The following CUX2 variants were observed in gnomAD, a reference collection of about 807,000 sequenced individuals.
CUX2 encodes the protein homeobox protein cut-like 2.
A neutral mutation model predicts 144.8 loss-of-function variants in CUX2; 40 were observed. That is an observed-to-expected ratio of 0.28 (90% CI 0.21 to 0.36). The LOEUF is 0.36. Ranked by LOEUF, CUX2 falls within the 10% of genes least tolerant of loss-of-function variation. The pLI is 1.00. For missense variants in CUX2, 1,615 were observed against 1,994.0 expected, an observed-to-expected ratio of 0.81 and a Z score of 3.62; for synonymous variants, 827 against 875.6, an observed-to-expected ratio of 0.94 and a Z score of 0.98.
At chr12:111,158,206 A>T (rs575397483) in intron 1 of CUX2, among the ~76,000 whole-genome samples, 1 of 152,286 alleles carries the variant, frequency 6.6e-6, no homozygotes, top group South Asian at 2.1e-4. Flanking sequence ...CACCTCACAA[A>T]CAGGAAGGAC....
intron 1 of CUX2, among the ~76,000 whole-genome samples, chr12:111,161,257 C>T (rs1467587168): frequency 6.6e-6 from 1 of 152,162 alleles, no homozygotes; most frequent in African/African-American, 2.4e-5. Context: ...GGGATGCACC[C>T]TCTGGGGACT....
At chr12:111,214,743 C>G (rs148268209) in intron 2 of CUX2, among the ~76,000 whole-genome samples, 137 of 152,292 alleles carry the variant, frequency 9.0e-4, no homozygotes, top group East Asian at 1.7e-3. Flanking sequence ...CCTCTCACCC[C>G]CTTTACGTTC....
chr12:111,323,135 C>T (rs569690021), intron 18 of CUX2, among the ~76,000 whole-genome samples: 31 of 152,292 alleles, frequency 2.0e-4, no homozygotes, highest in Non-Finnish European at 3.8e-4. Flanking sequence ...TGGGGACCAG[C>T]GGATAAGTCT....
In CUX2 at chr12:111,227,630, C is replaced by T. The variant is rs147041464; in HGVS notation, c.222+9693C>T. 4.5e-4 allele frequency among the ~76,000 whole-genome samples: 69 copies of T among 152,248 alleles called. No homozygotes were observed. The South Asian group carries it at 8.7e-3, about 19-fold the overall frequency. On this transcript the variant is annotated intron_variant, in intron 3 of 21. Transcript: ENST00000261726. ...GGGGCAGCCTTGTGTCCCCCTCCTG[C>T]GCACTCTGGCTTTCTCCTATATTTT... is the stretch of plus-strand genomic sequence containing the variant.
chr12:111,320,615 C>G lies in CUX2; in HGVS notation c.2606C>G (p.Pro869Arg). 6.3e-7 allele frequency: 1 copy of G among 1,576,940 alleles called. No individual in the cohort carries two copies. Residue 869 changes from proline to arginine, a missense_variant, in exon 17 of 22, where the codon CCG (proline) becomes CGG (arginine). Physicochemically the swap from Pro to Arg is moderately radical, Grantham distance 103. Around this residue, in one of 12 missense-constraint regions of CUX2, gnomAD observed 390 missense variants for 387.1 expected, o/e 1.01. Transcript: ENST00000261726. This position sits in a 1 kb window ranked among gnomAD's most constrained non-coding sequence, Gnocchi z 8.1. The stretch of plus-strand genomic sequence containing the variant: ...GCGGGCGCGCGGCTGCCCTACTACC[C>G]GGCCTACGTGCCGCGCACCCTGAAG... ...AEAGARLPYY[P>R]AYVPRTLKPT...
At chr12:111,232,663 G>A (rs966136636) in intron 3 of CUX2, among the ~76,000 whole-genome samples, 1 of 152,180 alleles carries the variant, frequency 6.6e-6, no homozygotes, top group African/African-American at 2.4e-5. Context: ...TACGGCTGTT[G>A]ATAGCTCAGA....
chr12:111,230,489 G>A (rs1882414628), intron 3 of CUX2, among the ~76,000 whole-genome samples: 1 of 152,168 alleles, frequency 6.6e-6, no homozygotes, highest in African/African-American at 2.4e-5. Context: ...AAGGTCCCCT[G>A]GTGATTATGG....
intron 18 of CUX2, among the ~76,000 whole-genome samples, chr12:111,334,041 G>T (rs1246647930): frequency 6.6e-6 from 1 of 151,518 alleles, no homozygotes; most frequent in Non-Finnish European, 1.5e-5. Context: ...CAAAAAATTA[G>T]CAGGGCGTAG....
Position 111,145,428 on chromosome 12 carries a change from G to A in CUX2, c.64-68772G>A, listed in dbSNP as rs113630849. Among the ~76,000 whole-genome samples, 750 of 152,312 alleles carry A rather than the reference G, an allele frequency of 4.9e-3. 4 individuals carry two copies. The highest frequency in any genetic ancestry group is 0.017 in the African/African-American group (702 of 41,564). The stretch of plus-strand genomic sequence containing the variant: ...CCAGGCCAATGATTGGAGTACAGTG[G>A]CATGATCATAGCTCACTGTAGCCTC... On this transcript the variant is annotated intron_variant, in intron 1 of 21. Transcript: ENST00000261726.
At chr12:111,209,173 C>T (rs2136218910) in intron 1 of CUX2, among the ~76,000 whole-genome samples, 1 of 152,244 alleles carries the variant, frequency 6.6e-6, no homozygotes, top group East Asian at 1.9e-4. Flanking sequence ...ATTCACTAAG[C>T]TTTCACTTGA....
intron 1 of CUX2, among the ~76,000 whole-genome samples, chr12:111,047,405 A>T (rs1287052675): frequency 6.6e-6 from 1 of 152,024 alleles, no homozygotes; most frequent in African/African-American, 2.4e-5. Flanking sequence ...TACCAGCCAC[A>T]CTCTACAGTT....
chr12:111,101,957 T>C (rs1007145142), intron 1 of CUX2, among the ~76,000 whole-genome samples: 16 of 152,270 alleles, frequency 1.1e-4, no homozygotes, highest in Admixed American at 8.5e-4. Context: ...CATAAAAGGT[T>C]ATAGTAAGTA....
rs773490610 is a variant in CUX2 at position 111,338,302 on chromosome 12, G to A, written c.3213G>A (p.Gly1071=). The part of the protein sequence containing the change: ...TDNNLGQRLF[G]ESILGLTQGS... Reference sequence around the variant, plus strand: ...TATCCCCAGGGCAGCGGCTGTTTGGGGAAAGCATCCTGGGTCTGACACAGG... The same window carrying A: ...TATCCCCAGGGCAGCGGCTGTTTGGAGAAAGCATCCTGGGTCTGACACAGG... The change falls in exon 20 of 22, where the codon GGG becomes GGA. Residue 1071 remains glycine, a synonymous_variant. Coordinates refer to ENST00000261726, the MANE Select transcript of CUX2 (RefSeq NM_015267.4). 4.3e-6 allele frequency: 7 copies of A among 1,610,406 alleles called. No homozygotes were observed. The highest frequency in any genetic ancestry group is 1.1e-5 in the South Asian group (1 of 90,862).
At chr12:111,316,676 C>T (rs1887212472) in intron 16 of CUX2, among the ~76,000 whole-genome samples, 1 of 152,060 alleles carries the variant, frequency 6.6e-6, no homozygotes, top group Admixed American at 6.6e-5. Flanking sequence ...TTTCAAATTC[C>T]TGAGGTCAAG....
chr12:111,243,826 G>C (rs1276275505), intron 3 of CUX2, among the ~76,000 whole-genome samples: 1 of 152,250 alleles, frequency 6.6e-6, no homozygotes, highest in East Asian at 1.9e-4. Context: ...ACTGAGACAA[G>C]TTGGTCAAGC....
chr12:111,323,497 A>T (rs1291112483), intron 18 of CUX2, among the ~76,000 whole-genome samples: 1 of 152,234 alleles, frequency 6.6e-6, no homozygotes, highest in Non-Finnish European at 1.5e-5. Context: ...ATTAATATTT[A>T]AAAAGAGGCT....
At chr12:111,070,482 T>C (rs1871217704) in intron 1 of CUX2, among the ~76,000 whole-genome samples, 2 of 147,532 alleles carry the variant, frequency 1.4e-5, no homozygotes, top group South Asian at 4.3e-4. Flanking sequence ...TTTACAGCAG[T>C]TTTAGGTTCA....
intron 1 of CUX2, among the ~76,000 whole-genome samples, chr12:111,123,054 C>A (rs1426916328): frequency 6.6e-6 from 1 of 152,200 alleles, no homozygotes; most frequent in African/African-American, 2.4e-5. Context: ...GTCTGGGAGT[C>A]CTGGCCAGGC....
intron 20 of CUX2, among the ~76,000 whole-genome samples, chr12:111,340,512 C>T (rs1005353400): frequency 6.6e-6 from 1 of 152,124 alleles, no homozygotes. Flanking sequence ...AGTTTGAGAC[C>T]AGCCTGGGCA....
Sources: allele counts gnomAD v4.1 joint callset (sites outside exome capture counted in the v4.1 genomes callset), GRCh38; gene constraint gnomAD v4.1.1; regional missense constraint gnomAD v4.1.1; non-coding constraint Gnocchi (gnomAD v3.1); transcripts MANE v1.5; gene names NCBI Gene and HGNC (gene_info 2026-07-23, HGNC 2026-07-21).